FOXN3: variants seen among roughly 807,000 people sequenced by gnomAD.
The protein encoded by FOXN3 is forkhead box protein N3.
Under a neutral mutation model 38.4 loss-of-function variants are expected in FOXN3, and 7 were observed. That is an observed-to-expected ratio of 0.18 (90% CI 0.10 to 0.34). The LOEUF (loss-of-function observed/expected upper bound fraction) is 0.34, where lower values mean the gene tolerates loss of function less well. Among genes scored for constraint, FOXN3 ranks in the 10% least tolerant of loss-of-function variants. The pLI is 1.00. For synonymous variants in FOXN3, 230 were observed against 242.2 expected, an observed-to-expected ratio of 0.95 and a Z score of 0.47; for missense variants, 456 against 613.4, an observed-to-expected ratio of 0.74 and a Z score of 2.71.
chr14:89,618,126 C>A (rs1229955795), intron 1 of FOXN3, among the ~76,000 whole-genome samples: 1 of 152,230 alleles, frequency 6.6e-6, no homozygotes, highest in Non-Finnish European at 1.5e-5. Context: ...GAGCTTCCAG[C>A]AGACCAGTCC....
chr14:89,564,643 C>G (rs1216836763), intron 1 of FOXN3, among the ~76,000 whole-genome samples: 1 of 152,190 alleles, frequency 6.6e-6, no homozygotes, highest in East Asian at 1.9e-4. Flanking sequence ...ACCTGGTATG[C>G]ACTGAATTGT....
intron 3 of FOXN3, among the ~76,000 whole-genome samples, chr14:89,320,741 G>A (rs1415391024): frequency 1.3e-5 from 2 of 152,170 alleles, no homozygotes; most frequent in African/African-American, 4.8e-5. Flanking sequence ...GGAAGGAGAA[G>A]CTAACTGAGA....
At chr14:89,553,450 G>GA (rs57720898) in intron 1 of FOXN3, among the ~76,000 whole-genome samples, 2,524 of 121,738 alleles carry the variant, frequency 0.021, 48 homozygotes, top group African/African-American at 0.065. Context: ...ACATGAAAGT[G>GA]AAAAAAAAAA....
intron 4 of FOXN3, among the ~76,000 whole-genome samples, chr14:89,272,403 T>A (rs538591337): frequency 6.6e-6 from 1 of 152,148 alleles, no homozygotes; most frequent in Non-Finnish European, 1.5e-5. Flanking sequence ...TGAGTCTCAC[T>A]TCAATTAAAA....
intron 4 of FOXN3, among the ~76,000 whole-genome samples, chr14:89,185,102 T>C (rs1220342022): frequency 6.6e-6 from 1 of 152,234 alleles, no homozygotes; most frequent in Non-Finnish European, 1.5e-5. Flanking sequence ...TTCCTCTGAA[T>C]CCTGCAGCTT....
rs557644145 is a variant in FOXN3, at chr14:89,389,005, C to CA, written c.543+22928dup. On this transcript the variant is annotated intron_variant, in intron 2 of 5. Transcript: ENST00000557258. Reference sequence around the variant, plus strand: ...CATCTGAGGCTCTGGGAAGAGAACTCAGAGATTCAGGAAATACTACAAGGG... The same window carrying CA: ...CATCTGAGGCTCTGGGAAGAGAACTCAAGAGATTCAGGAAATACTACAAGGG... Among the ~76,000 whole-genome samples the CA allele has an allele frequency of 2.6e-3, 398 of 152,148 alleles. 1 individual carries two copies. Among genetic ancestry groups the CA allele is most frequent in the Middle Eastern group, 0.01 (3 of 294 alleles).
chr14:89,446,086 T>TAAAAAAAAAAAAA (rs1892488028), intron 1 of FOXN3, among the ~76,000 whole-genome samples: 1 of 13,036 alleles, frequency 7.7e-5, no homozygotes, highest in Non-Finnish European at 1.8e-4. Flanking sequence ...AGACCCTGCC[T>TAAAAAAAAAAAAA]CAAAAAAAAA....
intron 2 of FOXN3, among the ~76,000 whole-genome samples, chr14:89,390,239 T>A (rs1001067124): frequency 1.9e-4 from 28 of 147,822 alleles, no homozygotes; most frequent in Admixed American, 4.1e-4. Flanking sequence ...AAAAAAAAAA[T>A]ATGCACTGGG....
At chr14:89,241,130 G>A (rs1394444235) in intron 4 of FOXN3, among the ~76,000 whole-genome samples, 1 of 152,170 alleles carries the variant, frequency 6.6e-6, no homozygotes, top group Non-Finnish European at 1.5e-5. Context: ...TGTAGTGGCT[G>A]AGCCAGACAC....
At chr14:89,316,393 T>C (rs1391018940) in intron 3 of FOXN3, among the ~76,000 whole-genome samples, 1 of 152,170 alleles carries the variant, frequency 6.6e-6, no homozygotes, top group Non-Finnish European at 1.5e-5. Context: ...TCTTCTTTTT[T>C]GAGTCTCACT....
At chr14:89,490,310 G>A (rs1893546104) in intron 1 of FOXN3, among the ~76,000 whole-genome samples, 3 of 152,196 alleles carry the variant, frequency 2.0e-5, no homozygotes, top group Admixed American at 6.5e-5. Flanking sequence ...TGATATCAGC[G>A]TTTAGCAAAG....
intron 1 of FOXN3, among the ~76,000 whole-genome samples, chr14:89,542,439 T>C (rs1030234583): frequency 5.3e-5 from 8 of 152,212 alleles, no homozygotes; most frequent in African/African-American, 1.9e-4. Context: ...TTGCTCAAAA[T>C]GGAGTCACTC....
chr14:89,229,362 A>C (rs1157931003), intron 4 of FOXN3, among the ~76,000 whole-genome samples: 1 of 152,200 alleles, frequency 6.6e-6, no homozygotes, highest in East Asian at 1.9e-4. Context: ...TATTGCACAA[A>C]AGTATTTATT....
At chr14:89,178,702 C>T (rs1887589117) in intron 5 of FOXN3, among the ~76,000 whole-genome samples, 1 of 152,162 alleles carries the variant, frequency 6.6e-6, no homozygotes, top group South Asian at 2.1e-4. Flanking sequence ...CAAGAGGGAA[C>T]TAATCAGTAA....
intron 2 of FOXN3, among the ~76,000 whole-genome samples, chr14:89,360,584 G>GAAGA (rs1889442318): frequency 1.4e-5 from 2 of 147,344 alleles, no homozygotes; most frequent in Non-Finnish European, 3.0e-5. Flanking sequence ...GAGAGAAGAA[G>GAAGA]AAAGGGAGAG....
At chr14:89,603,882 T>TA (rs1267523077) in intron 1 of FOXN3, among the ~76,000 whole-genome samples, 1 of 151,720 alleles carries the variant, frequency 6.6e-6, no homozygotes, top group Non-Finnish European at 1.5e-5. Context: ...CCCACCAAGA[T>TA]AGAGTGTATA....
Position 89,528,376 on chromosome 14 carries a change from C to CTTTTTTTTT in FOXN3, c.-15+90643_-15+90651dup, listed in dbSNP as rs55935162. On this transcript the variant is annotated intron_variant, in intron 1 of 6. Coordinates refer to the FOXN3 transcript ENST00000345097. ...TCATCCATACTCAACATGGATGAAT[C>CTTTTTTTTT]TTTTTTTTTTTTTTTTTTTTTTTTT... 2.8e-3 allele frequency among the ~76,000 whole-genome samples: 152 copies of CTTTTTTTTT among 53,576 alleles called. 25 individuals are homozygous for CTTTTTTTTT. The highest frequency in any genetic ancestry group is 4.9e-3 in the African/African-American group (76 of 15,564). The allele number at this position is 53,576 out of a possible 152,430, so 35.1% of individuals were successfully genotyped here. A position where few individuals can be genotyped will look rare whatever the true frequency, so the allele number is the denominator to read the frequency against.
chr14:89,397,645 A>G (rs1231864720), intron 2 of FOXN3, among the ~76,000 whole-genome samples: 1 of 151,942 alleles, frequency 6.6e-6, no homozygotes, highest in African/African-American at 2.4e-5. Flanking sequence ...TACCTTCCCA[A>G]ACTTATTTCT....
At chr14:89,260,077 T>TG in intron 4 of FOXN3, among the ~76,000 whole-genome samples, 1 of 152,350 alleles carries the variant, frequency 6.6e-6, no homozygotes, top group South Asian at 2.1e-4. Flanking sequence ...GCAGTGTGAA[T>TG]GGATCATTTA....
Sources: allele counts gnomAD v4.1 joint callset (sites outside exome capture counted in the v4.1 genomes callset), GRCh38; gene constraint gnomAD v4.1.1; transcripts MANE v1.5; gene names NCBI Gene and HGNC (gene_info 2026-07-23, HGNC 2026-07-21).